Variants in EYA1 observed in about 807,000 individuals in gnomAD.
EYA1 encodes the protein protein phosphatase EYA1.
In EYA1, 16 loss-of-function variants were observed where a neutral mutation model predicts 82.0. The observed-to-expected ratio is 0.20, with a 90% CI of 0.13 to 0.30. The LOEUF is 0.30. Ranked by LOEUF, EYA1 falls within the 10% of genes least tolerant of loss-of-function variation. EYA1 has a pLI of 1.00. For missense variants in EYA1, 633 were observed against 730.7 expected (o/e 0.87, Z 1.54); for synonymous variants, 261 against 264.4 (o/e 0.99, Z 0.12).
intron 2 of EYA1, among the ~76,000 whole-genome samples, chr8:71,413,996 A>G (rs1387466260): frequency 1.3e-5 from 2 of 152,190 alleles, no homozygotes; most frequent in African/African-American, 4.8e-5. Context: ...TGCTGTTGGG[A>G]TTAACACTGT....
At chr8:71,274,331 T>G (rs1462384941) in intron 9 of EYA1, among the ~76,000 whole-genome samples, 1 of 152,200 alleles carries the variant, frequency 6.6e-6, no homozygotes, top group African/African-American at 2.4e-5. Context: ...AATTAAATGC[T>G]TCTATTCTCT....
chr8:71,243,414 T>TA (rs887949866), intron 12 of EYA1, among the ~76,000 whole-genome samples: 1 of 152,126 alleles, frequency 6.6e-6, no homozygotes, highest in East Asian at 1.9e-4. Context: ...ATTTCTACCT[T>TA]AAAAAAATAG....
chr8:71,242,067 C>T (rs936797222), intron 12 of EYA1, among the ~76,000 whole-genome samples: 4 of 152,066 alleles, frequency 2.6e-5, no homozygotes, highest in African/African-American at 4.8e-5. Context: ...AAATTAGCCA[C>T]GCATGGTGGT....
intron 2 of EYA1, among the ~76,000 whole-genome samples, chr8:71,498,424 G>C (rs1283735005): frequency 6.6e-6 from 1 of 152,130 alleles, no homozygotes; most frequent in Non-Finnish European, 1.5e-5. Context: ...TATTCTAATA[G>C]AGTAGAATTA....
At chr8:71,236,049 T>C (rs948909848) in intron 12 of EYA1, among the ~76,000 whole-genome samples, 2 of 138,938 alleles carry the variant, frequency 1.4e-5, no homozygotes, top group African/African-American at 6.9e-5. Flanking sequence ...TTACTCTTTA[T>C]TTTATTTTTT....
intron 7 of EYA1, among the ~76,000 whole-genome samples, chr8:71,304,116 A>C (rs1273601794): frequency 1.4e-5 from 2 of 142,910 alleles, no homozygotes; most frequent in South Asian, 2.2e-4. Context: ...TTATTTTATA[A>C]TTATATTAAA....
intron 3 of EYA1, among the ~76,000 whole-genome samples, chr8:71,351,992 A>G (rs926858838): frequency 5.9e-5 from 9 of 152,200 alleles, no homozygotes; most frequent in African/African-American, 1.2e-4. Context: ...ATGATTTTCA[A>G]TTGGGCTGCG....
intron 9 of EYA1, among the ~76,000 whole-genome samples, chr8:71,273,195 G>A (rs1423638937): frequency 6.6e-6 from 1 of 152,146 alleles, no homozygotes; most frequent in East Asian, 1.9e-4. Flanking sequence ...AAACAAGCAA[G>A]AGACTTCTTC....
chr8:71,317,462 T>A lies in EYA1; in HGVS notation c.556+90A>T. On this transcript the variant is annotated intron_variant, in intron 7 of 17. Coordinates refer to ENST00000340726, the MANE Select transcript of EYA1 (RefSeq NM_000503.6). Reference sequence around the variant, plus strand: ...AAGCCCAATCCAGTTGCCATCATCATTTACTATTTACATGGAACATCAGGT... The same window carrying A: ...AAGCCCAATCCAGTTGCCATCATCAATTACTATTTACATGGAACATCAGGT... The A allele has an allele frequency of 2.2e-6, 3 of 1,376,462 alleles. 1 individual carries two copies. In the South Asian group the frequency reaches 3.5e-5, roughly 16 times the overall value. The allele number at this position is 1,376,462 out of a possible 1,614,324, so 85.3% of individuals were successfully genotyped here.
chr8:71,503,236 C>T (rs1351834788), intron 2 of EYA1, among the ~76,000 whole-genome samples: 1 of 152,160 alleles, frequency 6.6e-6, no homozygotes, highest in Non-Finnish European at 1.5e-5. Context: ...TGGCTCATGC[C>T]TGTAATCCAG....
At chr8:71,538,188 T>G (rs550788462) in intron 1 of EYA1, among the ~76,000 whole-genome samples, 87 of 152,216 alleles carry the variant, frequency 5.7e-4, no homozygotes, top group Non-Finnish European at 1.1e-3. Flanking sequence ...TTAATTCCCT[T>G]GCTGGACTTG....
chr8:71,498,960 G>A (rs1811614714), intron 2 of EYA1, among the ~76,000 whole-genome samples: 1 of 152,132 alleles, frequency 6.6e-6, no homozygotes, highest in Non-Finnish European at 1.5e-5. Context: ...ACAGAAACTA[G>A]GTGCTTGTTC....
intron 11 of EYA1, among the ~76,000 whole-genome samples, chr8:71,256,411 T>A (rs536998383): frequency 6.6e-6 from 1 of 152,260 alleles, no homozygotes. Context: ...ATAACACGGA[T>A]GAACCTTGAG....
chr8:71,436,588 G>A (rs183406793), intron 2 of EYA1, among the ~76,000 whole-genome samples: 6 of 152,228 alleles, frequency 3.9e-5, no homozygotes, highest in South Asian at 4.1e-4. Flanking sequence ...AGCGGACTGC[G>A]CCTCTCCGCT....
intron 2 of EYA1, among the ~76,000 whole-genome samples, chr8:71,381,697 GC>G (rs1248446013): frequency 1.2e-4 from 18 of 152,208 alleles, no homozygotes; most frequent in Admixed American, 1.2e-3. Flanking sequence ...ACGGAAGTGT[GC>G]CTAAAATTGC....
At chr8:71,432,283 T>C (rs1805681326) in intron 2 of EYA1, among the ~76,000 whole-genome samples, 1 of 152,224 alleles carries the variant, frequency 6.6e-6, no homozygotes, top group Non-Finnish European at 1.5e-5. Context: ...CTAAGCTTTG[T>C]TTGCCTAACC....
chr8:71,216,683 A>G lies in EYA1; in HGVS notation c.1360+9T>C. On this transcript the variant is annotated intron_variant, in intron 14 of 17. Transcript: ENST00000340726. ...TTAACTTGCTGAGGTACTGGTGGTA[A>G]TCACTTGCCTCCAACATTATTTTTG... is the stretch of plus-strand genomic sequence containing the variant. The G allele has an allele frequency of 6.2e-7, 1 of 1,614,014 alleles. No individual in the cohort carries two copies. Among genetic ancestry groups the G allele is most frequent in the Non-Finnish European group, 8.5e-7 (1 of 1,179,910 alleles).
chr8:71,364,221 A>G (rs1415372701), upstream of EYA1, among the ~76,000 whole-genome samples: 6 of 151,958 alleles, frequency 3.9e-5, no homozygotes, highest in Admixed American at 3.9e-4. Flanking sequence ...ACTAAAAGTA[A>G]TATCCATGTG....
intron 2 of EYA1, among the ~76,000 whole-genome samples, chr8:71,385,303 G>A (rs958969040): frequency 1.9e-4 from 29 of 152,028 alleles, no homozygotes; most frequent in African/African-American, 6.5e-4. Flanking sequence ...AGCAGAGGGG[G>A]AGTGACCAAG....
Sources: gnomAD v4.1 joint callset for allele counts (sites outside exome capture counted in the v4.1 genomes callset) on GRCh38, gnomAD v4.1.1 for gene constraint, MANE v1.5 for transcripts, NCBI Gene and HGNC (gene_info 2026-07-23, HGNC 2026-07-21) for gene names.